Variants in PRKCE observed in about 807,000 individuals in gnomAD.
PRKCE encodes the protein protein kinase C epsilon.
PRKCE carries 16 observed loss-of-function variants against 85.4 expected under a neutral mutation model. The ratio of observed to expected loss-of-function variants is 0.19; its 90% CI spans 0.13 to 0.28. PRKCE has a LOEUF of 0.28. PRKCE is among the 10% of genes least tolerant of loss of function. The pLI is 1.00. For synonymous variants in PRKCE, 388 were observed against 371.5 expected, an observed-to-expected ratio of 1.04 and a Z score of -0.51; for missense variants, 573 against 975.2, an observed-to-expected ratio of 0.59 and a Z score of 5.49.
At chr2:45,931,420 A>G (rs1049441504) in intron 2 of PRKCE, among the ~76,000 whole-genome samples, 4 of 152,216 alleles carry the variant, frequency 2.6e-5, no homozygotes, top group Admixed American at 6.5e-5. Context: ...AATGAATGAC[A>G]TAGGTGGTAA....
At chr2:46,119,849 C>G (rs1040841590) in intron 11 of PRKCE, among the ~76,000 whole-genome samples, 5 of 152,142 alleles carry the variant, frequency 3.3e-5, no homozygotes, top group Admixed American at 3.3e-4. Context: ...TTCTCAACTC[C>G]CGTTGCTAGA....
intron 10 of PRKCE, among the ~76,000 whole-genome samples, chr2:46,042,036 A>G (rs1292402707): frequency 3.3e-5 from 5 of 152,238 alleles, no homozygotes; most frequent in Admixed American, 1.3e-4. Context: ...TTCTCAATAT[A>G]TGATCTGTAG....
At chr2:45,702,399 A>G (rs1240507972) in intron 1 of PRKCE, among the ~76,000 whole-genome samples, 1 of 152,162 alleles carries the variant, frequency 6.6e-6, no homozygotes. Context: ...ATGCCTACCC[A>G]CTACAATCAG....
At chr2:45,740,575 G>A (rs1682474761) in intron 1 of PRKCE, among the ~76,000 whole-genome samples, 1 of 152,066 alleles carries the variant, frequency 6.6e-6, no homozygotes, top group African/African-American at 2.4e-5. Context: ...TCCTCAAACA[G>A]AGCATCCTCA....
At chr2:45,950,377 G>A (rs1430184015) in intron 2 of PRKCE, among the ~76,000 whole-genome samples, 1 of 152,116 alleles carries the variant, frequency 6.6e-6, no homozygotes, top group Non-Finnish European at 1.5e-5. Context: ...TGGTCTTTAG[G>A]AGAATGCATT....
chr2:45,667,769 C>T (rs1312701667), intron 1 of PRKCE, among the ~76,000 whole-genome samples: 2 of 151,494 alleles, frequency 1.3e-5, no homozygotes, highest in Non-Finnish European at 2.9e-5. Flanking sequence ...CCTAGTTTTC[C>T]TTGTTATTAT....
At position 45,954,147 on chromosome 2, in the gene PRKCE, C is replaced by T. The variant is rs539540780; in HGVS notation, c.413-22282C>T. On this transcript the variant is annotated intron_variant, in intron 2 of 14. Coordinates refer to ENST00000306156, the MANE Select transcript of PRKCE (RefSeq NM_005400.3). ...CCCACTTTGAAGGTGGCCTTAGGTG[C>T]GCAGGGACTTTGTGTGGCCCTAGTG... Among the ~76,000 whole-genome samples the T allele has an allele frequency of 3.9e-5, 6 of 152,258 alleles. No homozygotes were observed. In the East Asian group the frequency reaches 5.8e-4, roughly 15 times the overall value.
intron 1 of PRKCE, among the ~76,000 whole-genome samples, chr2:45,829,748 C>T (rs540242329): frequency 6.6e-6 from 1 of 152,306 alleles, no homozygotes; most frequent in Non-Finnish European, 1.5e-5. Flanking sequence ...TCCCCACTGT[C>T]ACTATGGAAG....
intron 2 of PRKCE, among the ~76,000 whole-genome samples, chr2:45,941,244 G>A (rs1416352478): frequency 6.6e-6 from 1 of 152,104 alleles, no homozygotes; most frequent in Non-Finnish European, 1.5e-5. Context: ...CCATTCTAGT[G>A]GCTGAGATCA....
At chr2:45,877,917 C>T (rs951956021) in intron 2 of PRKCE, among the ~76,000 whole-genome samples, 24 of 152,202 alleles carry the variant, frequency 1.6e-4, no homozygotes, top group African/African-American at 4.6e-4. Flanking sequence ...GGAACTTCAC[C>T]GAATCACCAC....
chr2:45,723,056 A>T (rs1347629876), intron 1 of PRKCE, among the ~76,000 whole-genome samples: 1 of 152,194 alleles, frequency 6.6e-6, no homozygotes, highest in African/African-American at 2.4e-5. Context: ...AGCTGAGATC[A>T]CACCATTGCA....
chr2:45,976,278 T>G, intron 2 of PRKCE, 151 bp from the exon 3 acceptor site: 1 of 862,924 alleles, frequency 1.2e-6, no homozygotes, highest in Non-Finnish European at 1.8e-6. Flanking sequence ...GTGGGACTCC[T>G]CAGACCCCCG....
At chr2:45,741,951 G>C (rs930675102) in intron 1 of PRKCE, among the ~76,000 whole-genome samples, 1 of 152,232 alleles carries the variant, frequency 6.6e-6, no homozygotes, top group African/African-American at 2.4e-5. Flanking sequence ...GCACTTGACT[G>C]TGTGTCCTAT....
rs952144149 is a variant in PRKCE at position 46,180,097 on chromosome 2, G to A, written c.2068-4638G>A. Among the ~76,000 whole-genome samples the A allele has an allele frequency of 2.6e-5, 4 of 152,318 alleles. No homozygotes were observed. The South Asian group carries it at 6.2e-4, about 24-fold the overall frequency. ...CTCATAGATTAGTTGAAAAGAAGAGGCCTCCTCAGTGTGGTGAGTACTAAG... is the reference window on the plus strand; with the variant it reads ...CTCATAGATTAGTTGAAAAGAAGAGACCTCCTCAGTGTGGTGAGTACTAAG... On this transcript the variant is annotated intron_variant, in intron 14 of 14. Coordinates refer to ENST00000306156, the MANE Select transcript of PRKCE (RefSeq NM_005400.3).
intron 1 of PRKCE, among the ~76,000 whole-genome samples, chr2:45,694,468 C>A (rs1350931826): frequency 6.6e-6 from 1 of 152,176 alleles, no homozygotes; most frequent in Non-Finnish European, 1.5e-5. Context: ...CCAGGCCTTC[C>A]CCATCTAAGT....
chr2:45,709,112 C>T (rs1679379141), intron 1 of PRKCE, among the ~76,000 whole-genome samples: 1 of 152,246 alleles, frequency 6.6e-6, no homozygotes, highest in Non-Finnish European at 1.5e-5. Flanking sequence ...CTGCTGCTCA[C>T]ACCTGGAGCT....
chr2:45,767,437 G>A (rs984372002), intron 1 of PRKCE, among the ~76,000 whole-genome samples: 5 of 152,168 alleles, frequency 3.3e-5, no homozygotes, highest in African/African-American at 1.2e-4. Context: ...AAAAGTCTTG[G>A]CCTTCCTGCC....
intron 2 of PRKCE, among the ~76,000 whole-genome samples, chr2:45,970,543 G>A (rs980862203): frequency 1.3e-5 from 2 of 152,108 alleles, no homozygotes; most frequent in African/African-American, 2.4e-5. Flanking sequence ...ATACATTTAT[G>A]TATCTAGAAC....
At chr2:45,733,962 C>A (rs1681815386) in intron 1 of PRKCE, among the ~76,000 whole-genome samples, 1 of 152,196 alleles carries the variant, frequency 6.6e-6, no homozygotes, top group Non-Finnish European at 1.5e-5. Context: ...AGGAAAACCT[C>A]CTGGAAGGCA....
Sources: gnomAD v4.1 joint callset for allele counts (sites outside exome capture counted in the v4.1 genomes callset) on GRCh38, gnomAD v4.1.1 for gene constraint, MANE v1.5 for transcripts, NCBI Gene and HGNC (gene_info 2026-07-23, HGNC 2026-07-21) for gene names.